The following PIGN variants were observed in gnomAD, a reference collection of about 807,000 sequenced individuals.
The protein encoded by PIGN is phosphatidylinositol glycan anchor biosynthesis class N.
A neutral mutation model predicts 125.4 loss-of-function variants in PIGN; 117 were observed. The observed-to-expected ratio is 0.93, with a 90% CI of 0.80 to 1.09. The LOEUF is 1.09. Ranked by LOEUF, PIGN falls within the 50% of genes least tolerant of loss-of-function variation. The pLI is 0.00. For synonymous variants in PIGN, 392 were observed against 377.8 expected, an observed-to-expected ratio of 1.04 and a Z score of -0.44; for missense variants, 1,075 against 1,094.9, an observed-to-expected ratio of 0.98 and a Z score of 0.26.
chr18:62,149,241 A>G (rs118003591), intron 7 of PIGN, among the ~76,000 whole-genome samples: 1,573 of 152,344 alleles, frequency 0.01, 5 homozygotes, highest in Non-Finnish European at 0.016. Context: ...TGGTGCAATT[A>G]GAGAAACTAT....
At chr18:62,020,283 A>C (rs977582479) in intron 23 of PIGN, among the ~76,000 whole-genome samples, 2 of 152,200 alleles carry the variant, frequency 1.3e-5, no homozygotes, top group African/African-American at 4.8e-5. Context: ...ATGATCTGTA[A>C]GGAAACGAAC....
chr18:62,143,941 G>A (rs2036227103), intron 10 of PIGN, among the ~76,000 whole-genome samples: 1 of 152,156 alleles, frequency 6.6e-6, no homozygotes, highest in Admixed American at 6.5e-5. Context: ...AAGTGATTAT[G>A]AGAGACCGTC....
intron 30 of PIGN, among the ~76,000 whole-genome samples, chr18:62,050,308 G>A (rs1342417063): frequency 9.2e-5 from 14 of 151,742 alleles, no homozygotes; most frequent in Admixed American, 7.9e-4. Flanking sequence ...CCATTTTCAC[G>A]ATATTGATTC....
At chr18:62,084,459 ACT>A (rs1402320311) in intron 27 of PIGN, 70 bp downstream of exon 27, 1 of 966,420 alleles carries the variant, frequency 1.0e-6, no homozygotes, top group Non-Finnish European at 1.6e-6. Flanking sequence ...TTGCTACTTA[ACT>A]CTGTCTAAAT....
intron 14 of PIGN, among the ~76,000 whole-genome samples, chr18:62,128,360 G>A (rs2035613218): frequency 6.6e-6 from 1 of 152,158 alleles, no homozygotes; most frequent in Non-Finnish European, 1.5e-5. Context: ...ACAAAGAAAT[G>A]GCTGGAAGCC....
chr18:62,144,614 TA>T (rs1236824250), intron 10 of PIGN, among the ~76,000 whole-genome samples: 16 of 152,198 alleles, frequency 1.1e-4, no homozygotes, highest in Non-Finnish European at 1.5e-5. Flanking sequence ...GGCTCCCTCT[TA>T]TCCTAACTGT....
At chr18:62,083,891 A>G (rs1321763355) in intron 27 of PIGN, among the ~76,000 whole-genome samples, 3 of 152,204 alleles carry the variant, frequency 2.0e-5, no homozygotes, top group South Asian at 4.1e-4. Flanking sequence ...AAATCTGAAC[A>G]TTAGGTAATC....
intron 1 of PIGN, chr18:62,174,427 TTGCCTATATGAAGA>T (rs1202495870): frequency 3.3e-5 from 5 of 152,162 alleles, no homozygotes; most frequent in African/African-American, 4.8e-5. Flanking sequence ...TAAATGTTTA[TTGCCTATATGAAGA>T]AATGGCATAT....
chr18:62,112,474 G>C (rs1318452798), intron 16 of PIGN: 1 of 152,096 alleles, frequency 6.6e-6, no homozygotes, highest in Non-Finnish European at 1.5e-5. Flanking sequence ...TTTTAAAAGA[G>C]TAAAGTGTTT....
chr18:62,037,388 G>GT (rs1001121075), downstream of PIGN, among the ~76,000 whole-genome samples: 3 of 152,250 alleles, frequency 2.0e-5, no homozygotes, highest in African/African-American at 7.2e-5. Context: ...GGTTGGTGTT[G>GT]TATGGGCCAT....
At chr18:62,099,022 A>G (rs558444533) in intron 22 of PIGN, among the ~76,000 whole-genome samples, 20 of 152,164 alleles carry the variant, frequency 1.3e-4, no homozygotes, top group African/African-American at 4.8e-4. Context: ...AGAATCTTCA[A>G]TTTGTTGTAG....
At chr18:62,026,124 C>T (rs986516591) in intron 23 of PIGN, among the ~76,000 whole-genome samples, 4 of 152,064 alleles carry the variant, frequency 2.6e-5, no homozygotes, top group Admixed American at 1.3e-4. Context: ...TTATAAATCC[C>T]GTTCATTCAT....
intron 23 of PIGN, among the ~76,000 whole-genome samples, chr18:62,018,841 C>A (rs4941096): frequency 0.27 from 40,396 of 151,930 alleles, 6,258 homozygotes; most frequent in African/African-American, 0.42. Flanking sequence ...TCCTCATCTA[C>A]AGAAGAAAAC....
chr18:62,019,063 G>A (rs1048023027), intron 23 of PIGN, among the ~76,000 whole-genome samples: 5 of 152,128 alleles, frequency 3.3e-5, no homozygotes, highest in Non-Finnish European at 5.9e-5. Context: ...AAAAAACTTA[G>A]CCAGGTATGG....
At chr18:62,040,734 G>C (rs1042981632), downstream of PIGN, among the ~76,000 whole-genome samples, 2 of 152,224 alleles carry the variant, frequency 1.3e-5, no homozygotes, top group African/African-American at 4.8e-5. Context: ...TCAGCAAGGA[G>C]AGGAGCTTTT....
chr18:62,125,075 CAT>C lies in PIGN; in HGVS notation c.1173-10438_1173-10437del, dbSNP rs1234846196. ...TTGTACATACATGTATATAAATATA[CAT>C]GTTTGTACATACATGTATATATACA... On this transcript the variant is annotated intron_variant, in intron 14 of 30. Transcript: ENST00000640252. 6.0e-5 allele frequency among the ~76,000 whole-genome samples: 9 copies of C among 150,634 alleles called. No homozygotes were observed. The East Asian group carries it at 9.8e-4, about 16-fold the overall frequency.
intron 30 of PIGN, among the ~76,000 whole-genome samples, chr18:62,067,893 T>C (rs1275380117): frequency 1.3e-5 from 2 of 152,210 alleles, no homozygotes; most frequent in Non-Finnish European, 2.9e-5. Flanking sequence ...AGAAAGTTTC[T>C]TTTCCCTCTA....
intron 30 of PIGN, among the ~76,000 whole-genome samples, chr18:62,049,350 C>A (rs1388509122): frequency 1.3e-5 from 2 of 149,852 alleles, no homozygotes; most frequent in Admixed American, 6.6e-5. Context: ...TTCTCCACAT[C>A]CTCTCCAGCA....
chr18:62,075,787 T>C (rs2033140498), intron 28 of PIGN: 1 of 152,230 alleles, frequency 6.6e-6, no homozygotes, highest in South Asian at 2.1e-4. Context: ...TAAAACTCTT[T>C]TCAGAGTGGT....
Sources: allele counts gnomAD v4.1 joint callset (sites outside exome capture counted in the v4.1 genomes callset), GRCh38; gene constraint gnomAD v4.1.1; transcripts MANE v1.5; gene names NCBI Gene and HGNC (gene_info 2026-07-23, HGNC 2026-07-21).